ECPAS: variants seen among roughly 807,000 people sequenced by gnomAD.
ECPAS encodes the protein Ecm29 proteasome adaptor and scaffold.
ECPAS carries 70 observed loss-of-function variants against 255.1 expected under a neutral mutation model. That is an observed-to-expected ratio of 0.27 (90% CI 0.23 to 0.33). The LOEUF (loss-of-function observed/expected upper bound fraction) is 0.33. Ranked by LOEUF, ECPAS falls within the 10% of genes least tolerant of loss-of-function variation. The probability of loss-of-function intolerance (pLI) is 1.00; values close to 1 mark genes in which losing one functional copy is unlikely to be tolerated. For missense variants in ECPAS, 1,817 were observed against 2,206.4 expected (o/e 0.82, Z 3.54); for synonymous variants, 784 against 775.0 (o/e 1.01, Z -0.19).
chr9:111,446,878 A>G (rs1246539875), intron 3 of ECPAS, among the ~76,000 whole-genome samples: 1 of 152,218 alleles, frequency 6.6e-6, no homozygotes, highest in Non-Finnish European at 1.5e-5. Context: ...GAGACATGAT[A>G]CCTTCCAAGA....
Position 111,374,995 on chromosome 9 carries a change from G to A in ECPAS, c.4110+118C>T, listed in dbSNP as rs886789552. The A allele has an allele frequency of 1.3e-5, 9 of 711,982 alleles. No homozygotes were observed. The Admixed American group carries it at 1.6e-4, about 12-fold the overall frequency. The allele number at this position is 711,982 out of a possible 1,614,324, so 44.1% of individuals were successfully genotyped here. On this transcript the variant is annotated intron_variant, in intron 38 of 49. Transcript: ENST00000684092. Reference sequence around the variant, plus strand: ...TCAGTGCAACCACAGAAATAAAATGGTTAGTGTATAATATTAGATTTTGTG... The same window carrying A: ...TCAGTGCAACCACAGAAATAAAATGATTAGTGTATAATATTAGATTTTGTG...
At position 111,392,760 on chromosome 9, in the gene ECPAS, C is replaced by T; in HGVS notation, c.3092+8G>A. The T allele has an allele frequency of 6.3e-7, 1 of 1,591,374 alleles. No homozygotes were observed. Among genetic ancestry groups the T allele is most frequent in the South Asian group, 1.1e-5 (1 of 89,366 alleles). ...GGCTTGAATCTAAAATTTTCAAGTT[C>T]ACCATACCTTTTGCCAGTCATAAGT... On this transcript the variant is annotated splice_region_variant and intron_variant, in intron 28 of 49. Transcript: ENST00000684092.
At chr9:111,474,402 A>G (rs899632264) in intron 1 of ECPAS, among the ~76,000 whole-genome samples, 2 of 152,132 alleles carry the variant, frequency 1.3e-5, no homozygotes, top group African/African-American at 4.8e-5. Flanking sequence ...TAGGGATTTT[A>G]CATTATATTA....
intron 25 of ECPAS, 102 bp from the exon 26 acceptor site, chr9:111,394,407 A>G: frequency 9.0e-7 from 1 of 1,107,318 alleles, no homozygotes; most frequent in Non-Finnish European, 1.2e-6. Context: ...GAACAATCCT[A>G]TATAAAAATC....
chr9:111,479,079 GCAGGACC>G (rs1346272327), intron 1 of ECPAS, among the ~76,000 whole-genome samples: 6 of 152,114 alleles, frequency 3.9e-5, no homozygotes, highest in Non-Finnish European at 8.8e-5. Context: ...CTTTCCAGCT[GCAGGACC>G]CAGGGGACCT....
chr9:111,405,479 CT>C (rs745391507), intron 24 of ECPAS, among the ~76,000 whole-genome samples: 2 of 149,656 alleles, frequency 1.3e-5, no homozygotes, highest in Non-Finnish European at 2.9e-5. Flanking sequence ...CTTCAGGATA[CT>C]GGTCTGGGCA....
intron 6 of ECPAS, among the ~76,000 whole-genome samples, chr9:111,438,436 T>C (rs1211744944): frequency 1.3e-5 from 2 of 150,372 alleles, no homozygotes; most frequent in African/African-American, 4.9e-5. Flanking sequence ...TGACCCCCTA[T>C]CTCTACAAAA....
chr9:111,386,667 T>C (rs1233597680), intron 31 of ECPAS, among the ~76,000 whole-genome samples: 1 of 152,188 alleles, frequency 6.6e-6, no homozygotes. Flanking sequence ...AAAATGTACA[T>C]TTGATGCTTT....
Position 111,430,584 on chromosome 9 carries a change from T to C in ECPAS, c.893A>G (p.Lys298Arg), listed in dbSNP as rs1183938760. Reference protein sequence around the residue: ...NNPAIINKMYKVYLGDIPLKT... With the variant: ...NNPAIINKMYRVYLGDIPLKT... The stretch of plus-strand genomic sequence containing the variant: ...CAGTGGTATATCTCCAAGGTACACC[T>C]TGTACATCTTATTAATGATGGCAGG... Residue 298 changes from lysine to arginine, a missense_variant, in exon 9 of 50, where the codon AAG becomes AGG. Around this residue, in one of 4 missense-constraint regions of ECPAS, gnomAD observed 573 missense variants for 716.2 expected, o/e 0.80. Transcript: ENST00000684092. 3 of 1,600,416 alleles carry C rather than the reference T, an allele frequency of 1.9e-6. No homozygotes were observed. The highest frequency in any genetic ancestry group is 2.6e-6 in the Non-Finnish European group (3 of 1,172,048).
intron 15 of ECPAS, among the ~76,000 whole-genome samples, chr9:111,420,639 T>G (rs976285698): frequency 1.3e-5 from 2 of 152,148 alleles, no homozygotes; most frequent in African/African-American, 2.4e-5. Context: ...AGAAATATAT[T>G]CAATTAACTA....
chr9:111,375,749 T>C (rs1181569171), intron 37 of ECPAS, among the ~76,000 whole-genome samples: 1 of 152,160 alleles, frequency 6.6e-6, no homozygotes, highest in Non-Finnish European at 1.5e-5. Flanking sequence ...AGACATAACA[T>C]TCTTAGACCA....
chr9:111,479,217 G>A (rs1466429357), intron 1 of ECPAS, among the ~76,000 whole-genome samples: 3 of 152,228 alleles, frequency 2.0e-5, no homozygotes, highest in Middle Eastern at 3.4e-3. Context: ...ATATTTAGGG[G>A]GAAGGTGTGT....
chr9:111,389,085 T>C (rs2098155244), intron 31 of ECPAS, among the ~76,000 whole-genome samples: 1 of 152,200 alleles, frequency 6.6e-6, no homozygotes, highest in South Asian at 2.1e-4. Flanking sequence ...GAGCAAAAGA[T>C]ACTCAGAGAC....
intron 15 of ECPAS, 28 bp downstream of exon 15, chr9:111,421,893 C>A (rs1015522817): frequency 2.5e-6 from 4 of 1,607,546 alleles, no homozygotes; most frequent in African/African-American, 1.3e-5. Context: ...CGTATACTAC[C>A]CAGGCTTTGT....
intron 17 of ECPAS, among the ~76,000 whole-genome samples, chr9:111,417,417 G>A (rs557650159): frequency 1.3e-5 from 2 of 152,090 alleles, no homozygotes; most frequent in African/African-American, 4.8e-5. Flanking sequence ...TCCTCACTTT[G>A]TATCTTCTTC....
At chr9:111,466,177 GGT>G (rs1296902746) in intron 2 of ECPAS, among the ~76,000 whole-genome samples, 1 of 151,606 alleles carries the variant, frequency 6.6e-6, no homozygotes, top group Non-Finnish European at 1.5e-5. Flanking sequence ...GGCAGGGCAC[GGT>G]GGCTCACACC....
At chr9:111,379,093 A>G (rs535156372) in intron 35 of ECPAS, among the ~76,000 whole-genome samples, 17 of 152,212 alleles carry the variant, frequency 1.1e-4, no homozygotes, top group South Asian at 2.1e-4. Flanking sequence ...ACATTTGACC[A>G]ATTTTGTTTC....
intron 3 of ECPAS, among the ~76,000 whole-genome samples, chr9:111,445,760 T>C (rs772659270): frequency 6.6e-6 from 1 of 152,130 alleles, no homozygotes; most frequent in Non-Finnish European, 1.5e-5. Flanking sequence ...ACGTGCCATG[T>C]TGGTTTGCTG....
intron 3 of ECPAS, among the ~76,000 whole-genome samples, chr9:111,448,610 C>T (rs75738057): frequency 0.031 from 4,754 of 152,256 alleles, 123 homozygotes; most frequent in East Asian, 0.064. Flanking sequence ...CATGAATGCA[C>T]AATGTTACTA....
Sources: allele counts gnomAD v4.1 joint callset (sites outside exome capture counted in the v4.1 genomes callset), GRCh38; gene constraint gnomAD v4.1.1; regional missense constraint gnomAD v4.1.1; transcripts MANE v1.5; gene names NCBI Gene and HGNC (gene_info 2026-07-23, HGNC 2026-07-21).